Variants in MICU3 observed in about 807,000 individuals in gnomAD.
MICU3 encodes mitochondrial calcium uptake 3, also known as calcium uptake protein 3, mitochondrial.
In MICU3, 62 loss-of-function variants were observed where a neutral mutation model predicts 66.5. That is an observed-to-expected ratio of 0.93 (90% confidence interval 0.76 to 1.15). MICU3 has a LOEUF of 1.15. MICU3 is among the 50% of genes most tolerant of loss of function. MICU3 has a pLI of 0.00. For synonymous variants in MICU3, 308 were observed against 240.7 expected (o/e 1.28, Z -2.59); for missense variants, 779 against 664.4 (o/e 1.17, Z -1.90).
chr8:17,067,750 T>C (rs1818940769), intron 2 of MICU3, among the ~76,000 whole-genome samples: 1 of 152,310 alleles, frequency 6.6e-6, no homozygotes, highest in South Asian at 2.1e-4. Context: ...ATAGCTGTGA[T>C]AATTTTTAAG....
chr8:17,086,670 A>T (rs933716212), intron 6 of MICU3, among the ~76,000 whole-genome samples: 1 of 152,086 alleles, frequency 6.6e-6, no homozygotes, highest in African/African-American at 2.4e-5. Flanking sequence ...AAAGTAAAAG[A>T]TTAACTTTTG....
chr8:17,034,157 A>C (rs1404587379), intron 1 of MICU3, among the ~76,000 whole-genome samples: 3 of 152,166 alleles, frequency 2.0e-5, no homozygotes, highest in Non-Finnish European at 4.4e-5. Context: ...AATTATGCTA[A>C]ATCTATGCTA....
At chr8:17,076,015 G>A (rs1322764476) in intron 3 of MICU3, among the ~76,000 whole-genome samples, 1 of 151,980 alleles carries the variant, frequency 6.6e-6, no homozygotes. Context: ...TATTCAGAAT[G>A]TTGTTTTTTA....
chr8:17,110,314 G>C (rs1376090642), intron 11 of MICU3, among the ~76,000 whole-genome samples: 1 of 152,094 alleles, frequency 6.6e-6, no homozygotes, highest in African/African-American at 2.4e-5. Context: ...AATTCAGTGA[G>C]ATTTAGTGAA....
rs1482705078 is a variant in MICU3, at chr8:17,069,615, GA to G, written c.536-72del. 5 of 939,644 alleles carry G rather than the reference GA, an allele frequency of 5.3e-6. No homozygotes were observed. In the East Asian group the frequency reaches 1.5e-4, roughly 27 times the overall value. The allele number at this position is 939,644 out of a possible 1,614,324, so 58.2% of individuals were successfully genotyped here. ...AGTTTGGTTATGAGTTATGGTTGTA[GA>G]TGGTTAGCAAATATGGATATATATT... On this transcript the variant is annotated intron_variant, in intron 2 of 14. Transcript: ENST00000318063.
In MICU3 at chr8:17,089,800, C is replaced by G. The variant is rs111660423; in HGVS notation, c.850-746C>G. 6.2e-3 allele frequency among the ~76,000 whole-genome samples: 938 copies of G among 152,088 alleles called. 8 individuals are homozygous for G. Among genetic ancestry groups the G allele is most frequent in the African/African-American group, 0.021 (888 of 41,498 alleles). On this transcript the variant is annotated intron_variant, in intron 7 of 14. Coordinates refer to ENST00000318063, the MANE Select transcript of MICU3 (RefSeq NM_181723.3). ...TTAACCATGTGAAATGTAATAAACACTCAAAAAGGTTAGCTAGTAGTGAAA... is the reference window on the plus strand; with the variant it reads ...TTAACCATGTGAAATGTAATAAACAGTCAAAAAGGTTAGCTAGTAGTGAAA...
intron 1 of MICU3, among the ~76,000 whole-genome samples, chr8:17,045,837 C>T (rs1470046627): frequency 1.3e-5 from 2 of 152,146 alleles, no homozygotes; most frequent in Non-Finnish European, 2.9e-5. Context: ...GGGAACTCCC[C>T]TTTATAAAAC....
chr8:17,039,638 C>T (rs1279840175), intron 1 of MICU3, among the ~76,000 whole-genome samples: 1 of 152,050 alleles, frequency 6.6e-6, no homozygotes, highest in Non-Finnish European at 1.5e-5. Flanking sequence ...TAATTTGGGG[C>T]TGGACTATTT....
In MICU3 at chr8:17,121,324, T is replaced by A. The variant is rs572900384; in HGVS notation, c.*1037T>A. ...AGTGATGCTAAACAGCCAGTAATAA[T>A]AATTTAAATATAATTTATTATTTCA... On this transcript the variant is annotated 3_prime_UTR_variant, in exon 15 of 15. Coordinates refer to ENST00000318063, the MANE Select transcript of MICU3 (RefSeq NM_181723.3). 1 of 151,916 alleles carries A rather than the reference T, an allele frequency of 6.6e-6. No homozygotes were observed. Among genetic ancestry groups the A allele is most frequent in the South Asian group, 2.1e-4 (1 of 4,834 alleles). The allele number at this position is 151,916 out of a possible 1,614,324, so 9.4% of individuals were successfully genotyped here.
At chr8:17,094,361 A>G (rs911206408) in intron 8 of MICU3, among the ~76,000 whole-genome samples, 1 of 152,078 alleles carries the variant, frequency 6.6e-6, no homozygotes, top group African/African-American at 2.4e-5. Context: ...ACCATATTAG[A>G]AGTTAAAACT....
chr8:17,102,112 C>A (rs1327365200), intron 9 of MICU3, among the ~76,000 whole-genome samples: 2 of 151,954 alleles, frequency 1.3e-5, no homozygotes, highest in Non-Finnish European at 2.9e-5. Flanking sequence ...CTTATTTGCT[C>A]ACCACAGTAC....
chr8:17,034,079 A>T (rs1379404750), intron 1 of MICU3, among the ~76,000 whole-genome samples: 1 of 152,178 alleles, frequency 6.6e-6, no homozygotes, highest in Non-Finnish European at 1.5e-5. Flanking sequence ...TTAGGGGCTA[A>T]TGCAGCTGGT....
chr8:17,081,424 A>G lies in MICU3; in HGVS notation c.647-269A>G, dbSNP rs79915649. Among the ~76,000 whole-genome samples, 347 of 152,250 alleles carry G rather than the reference A, an allele frequency of 2.3e-3. 13 individuals carry two copies. The East Asian group carries it at 0.058, about 26-fold the overall frequency. The stretch of plus-strand genomic sequence containing the variant: ...ACATTAGAAACTAGCAACAAGTTTA[A>G]AAGTTACTGCTATACGTATGCATTA... On this transcript the variant is annotated intron_variant, in intron 4 of 14. Transcript: ENST00000318063.
At chr8:17,091,483 G>A (rs1800048633) in intron 8 of MICU3, among the ~76,000 whole-genome samples, 1 of 151,986 alleles carries the variant, frequency 6.6e-6, no homozygotes, top group African/African-American at 2.4e-5. Flanking sequence ...CTAAAAGTAG[G>A]TGTATTGTCT....
the MICU3 span, among the ~76,000 whole-genome samples, chr8:17,137,113 A>C: frequency 6.6e-6 from 1 of 151,814 alleles, no homozygotes; most frequent in Non-Finnish European, 1.5e-5. Context: ...GTGAGCCACC[A>C]CTCCCGTCCA....
intron 1 of MICU3, among the ~76,000 whole-genome samples, chr8:17,044,037 G>T (rs895946190): frequency 6.6e-6 from 1 of 152,026 alleles, no homozygotes; most frequent in African/African-American, 2.4e-5. Context: ...TAAAACCTTA[G>T]GCAAGAATGC....
intron 1 of MICU3, among the ~76,000 whole-genome samples, chr8:17,049,244 A>C (rs540608493): frequency 1.1e-3 from 173 of 152,298 alleles, no homozygotes; most frequent in Middle Eastern, 3.4e-3. Context: ...GTGGTAGAGC[A>C]TGAGGCAGTG....
At chr8:17,058,294 C>G (rs78543939) in intron 1 of MICU3, among the ~76,000 whole-genome samples, 1 of 151,786 alleles carries the variant, frequency 6.6e-6, no homozygotes, top group Non-Finnish European at 1.5e-5. Context: ...TCTAGGTAAG[C>G]AAAAAAGGTA....
intron 3 of MICU3, among the ~76,000 whole-genome samples, chr8:17,074,100 G>A (rs368293416): frequency 1.3e-5 from 2 of 149,772 alleles, no homozygotes; most frequent in East Asian, 2.0e-4. Context: ...GGGTTTCACC[G>A]TGGTCTCCAT....
Sources: allele counts gnomAD v4.1 joint callset (sites outside exome capture counted in the v4.1 genomes callset), GRCh38; gene constraint gnomAD v4.1.1; transcripts MANE v1.5; gene names NCBI Gene and HGNC (gene_info 2026-07-23, HGNC 2026-07-21).